RBFOX1: variants seen among roughly 807,000 people sequenced by gnomAD.
RBFOX1 encodes RNA binding fox-1 homolog 1.
RBFOX1 carries 8 observed loss-of-function variants against 57.7 expected under a neutral mutation model. The observed-to-expected ratio is 0.14, with a 90% confidence interval of 0.08 to 0.25. RBFOX1 has a LOEUF of 0.25. RBFOX1 is among the 10% of genes least tolerant of loss of function. The pLI is 1.00. For synonymous variants in RBFOX1, 326 were observed against 222.4 expected, an observed-to-expected ratio of 1.47 and a Z score of -4.15; for missense variants, 611 against 548.5, an observed-to-expected ratio of 1.11 and a Z score of -1.14.
chr16:5,963,052 C>G (rs1331983507), intron 4 of RBFOX1, among the ~76,000 whole-genome samples: 1 of 151,938 alleles, frequency 6.6e-6, no homozygotes, highest in African/African-American at 2.4e-5. Context: ...TATTATGTAT[C>G]CTGATCGTAA....
chr16:5,443,890 C>A, intron 1 of RBFOX1, among the ~76,000 whole-genome samples: 1 of 152,082 alleles, frequency 6.6e-6, no homozygotes, highest in Non-Finnish European at 1.5e-5. Flanking sequence ...TTGACTCTGG[C>A]ATCTTATTTG....
intron 3 of RBFOX1, among the ~76,000 whole-genome samples, chr16:5,774,341 A>G (rs985628602): frequency 1.3e-5 from 2 of 152,226 alleles, no homozygotes; most frequent in African/African-American, 4.8e-5. Flanking sequence ...GTTAGTGGGA[A>G]TACTTGATCA....
chr16:5,706,833 C>A (rs1002056474), intron 3 of RBFOX1, among the ~76,000 whole-genome samples: 2 of 151,644 alleles, frequency 1.3e-5, no homozygotes, highest in African/African-American at 4.8e-5. Context: ...GGGCAGGGGG[C>A]AAGAGGGCAT....
At chr16:7,574,350 G>C (rs1333972696) in intron 5 of RBFOX1, among the ~76,000 whole-genome samples, 1 of 152,186 alleles carries the variant, frequency 6.6e-6, no homozygotes, top group Non-Finnish European at 1.5e-5. Context: ...TTATGTAAAG[G>C]GGAATTTATT....
chr16:6,945,693 C>G lies in RBFOX1; in HGVS notation c.-15-106364C>G, dbSNP rs138245234. On this transcript the variant is annotated intron_variant, in intron 3 of 15. Transcript: ENST00000550418. ...ATTACCTGAGGTCAGGAGTTCAAGA[C>G]CAGCCTGGCCAACATGGTGAAAACC... 2.8e-3 allele frequency among the ~76,000 whole-genome samples: 426 copies of G among 152,174 alleles called. 1 individual carries two copies. Among genetic ancestry groups the G allele is most frequent in the African/African-American group, 9.5e-3 (396 of 41,538 alleles).
intron 1 of RBFOX1, among the ~76,000 whole-genome samples, chr16:5,350,334 T>C (rs1222547619): frequency 6.6e-6 from 1 of 152,182 alleles, no homozygotes; most frequent in Non-Finnish European, 1.5e-5. Context: ...GAAAGTGAAT[T>C]GTTTGCTCTG....
At chr16:6,734,666 C>T (rs1291052939) in intron 3 of RBFOX1, among the ~76,000 whole-genome samples, 1 of 152,182 alleles carries the variant, frequency 6.6e-6, no homozygotes, top group African/African-American at 2.4e-5. Flanking sequence ...TCTCATTCTA[C>T]ACATATTTTA....
chr16:6,801,376 A>G (rs141693608), intron 3 of RBFOX1, among the ~76,000 whole-genome samples: 2 of 152,312 alleles, frequency 1.3e-5, no homozygotes, highest in African/African-American at 4.8e-5. Flanking sequence ...GTGTAATTGC[A>G]TCTATCTTTA....
chr16:5,526,747 C>T (rs901395593), intron 2 of RBFOX1, among the ~76,000 whole-genome samples: 1 of 152,204 alleles, frequency 6.6e-6, no homozygotes, highest in Non-Finnish European at 1.5e-5. Flanking sequence ...CATCCACGTA[C>T]ATTCTGTAAA....
intron 1 of RBFOX1, among the ~76,000 whole-genome samples, chr16:6,229,726 A>T (rs1016179115): frequency 1.3e-5 from 2 of 151,504 alleles, no homozygotes; most frequent in Non-Finnish European, 2.9e-5. Flanking sequence ...AAAAAATAAG[A>T]TTTTCTTTGC....
At chr16:6,985,033 G>GGCC (rs2153598637) in intron 3 of RBFOX1, among the ~76,000 whole-genome samples, 1 of 145,050 alleles carries the variant, frequency 6.9e-6, no homozygotes, top group East Asian at 2.1e-4. Flanking sequence ...TGGCTTTGCT[G>GGCC]GCCAGATCCC....
intron 3 of RBFOX1, among the ~76,000 whole-genome samples, chr16:6,666,420 A>C (rs552277248): frequency 2.0e-5 from 3 of 151,900 alleles, no homozygotes; most frequent in Admixed American, 6.6e-5. Flanking sequence ...CTATAATCCT[A>C]GCCATGCTAT....
chr16:5,893,688 C>G (rs2058095610), intron 4 of RBFOX1, among the ~76,000 whole-genome samples: 3 of 151,936 alleles, frequency 2.0e-5, no homozygotes, highest in Admixed American at 2.0e-4. Context: ...TGCTTGTAAT[C>G]CCGGTTGCTA....
chr16:5,596,028 G>A (rs976909191), intron 2 of RBFOX1, among the ~76,000 whole-genome samples: 3 of 152,170 alleles, frequency 2.0e-5, no homozygotes, highest in African/African-American at 7.2e-5. Flanking sequence ...ACACGGAAGT[G>A]CGGCACAATG....
At chr16:7,434,329 G>T (rs1402515510) in intron 4 of RBFOX1, among the ~76,000 whole-genome samples, 1 of 152,036 alleles carries the variant, frequency 6.6e-6, no homozygotes, top group Non-Finnish European at 1.5e-5. Flanking sequence ...AAAATTAGCT[G>T]GGCACAGTGG....
intron 3 of RBFOX1, among the ~76,000 whole-genome samples, chr16:6,895,418 A>ATGTGTG (rs139075559): frequency 1.6e-3 from 137 of 86,818 alleles, no homozygotes; most frequent in African/African-American, 4.0e-3. Flanking sequence ...TTAGTAATAT[A>ATGTGTG]TGTGTGTGTG....
intron 1 of RBFOX1, among the ~76,000 whole-genome samples, chr16:6,151,370 C>T (rs549019550): frequency 1.3e-5 from 2 of 152,300 alleles, no homozygotes; most frequent in Non-Finnish European, 2.9e-5. Flanking sequence ...ACTGCAACCT[C>T]TGCCTCCCGG....
chr16:6,422,574 C>T (rs2093806156), intron 2 of RBFOX1, among the ~76,000 whole-genome samples: 1 of 152,158 alleles, frequency 6.6e-6, no homozygotes. Flanking sequence ...ATGGATTCTG[C>T]TCCTGGGGAT....
Position 6,857,022 on chromosome 16 carries a change from A to G in RBFOX1, c.-15-195035A>G, listed in dbSNP as rs574617221. On this transcript the variant is annotated intron_variant, in intron 3 of 15. Coordinates refer to ENST00000550418, the MANE Select transcript of RBFOX1 (RefSeq NM_018723.4). ...ATTAGACATGCTTTGGAGTTTTTCA[A>G]TGGCTTACTGCAAATCGTGTTCAAC... 6.6e-5 allele frequency among the ~76,000 whole-genome samples: 10 copies of G among 152,284 alleles called. No individual in the cohort carries two copies. The South Asian group carries it at 1.2e-3, about 19-fold the overall frequency.
Sources: gnomAD v4.1 joint callset for allele counts (sites outside exome capture counted in the v4.1 genomes callset) on GRCh38, gnomAD v4.1.1 for gene constraint, MANE v1.5 for transcripts, NCBI Gene and HGNC (gene_info 2026-07-23, HGNC 2026-07-21) for gene names.